Variants in ALOX12 observed in about 807,000 individuals in gnomAD.
The protein encoded by ALOX12 is arachidonate 12-lipoxygenase, 12S type.
In ALOX12, 62 loss-of-function variants were observed where a neutral mutation model predicts 85.5. The ratio of observed to expected loss-of-function variants is 0.73; its 90% confidence interval spans 0.59 to 0.90. The LOEUF is 0.90. ALOX12 is among the 40% of genes least tolerant of loss of function. ALOX12 has a pLI of 0.00. For missense variants in ALOX12, 751 were observed against 856.5 expected (o/e 0.88, Z 1.54); for synonymous variants, 299 against 332.7 (o/e 0.90, Z 1.10).
intron 6 of ALOX12, 71 bp downstream of exon 6, chr17:6,999,537 A>C: frequency 6.5e-7 from 1 of 1,537,952 alleles, no homozygotes; most frequent in Non-Finnish European, 8.9e-7. Flanking sequence ...GAGAGAATCC[A>C]AACTGAGTCA....
intron 2 of ALOX12, among the ~76,000 whole-genome samples, chr17:6,997,382 GGACCACATGGAACAGGAGGGGGTGGGT>G (rs1374165905): frequency 2.0e-5 from 3 of 151,914 alleles, no homozygotes; most frequent in African/African-American, 7.3e-5. Context: ...TCAGGTGAGG[GGACCACATGGAACAGGAGGGGGTGGGT>G]GACCCGTGAG....
chr17:7,000,184 G>T lies in ALOX12; in HGVS notation c.808-152G>T, dbSNP rs1351634872. The stretch of plus-strand genomic sequence containing the variant: ...CTGTTTCTTCACTTTAAGATGAGAG[G>T]AACTGGACCAGGGGCTCTAGTTCTC... On this transcript the variant is annotated intron_variant, in intron 6 of 13. Coordinates refer to ENST00000251535, the MANE Select transcript of ALOX12 (RefSeq NM_000697.3). The surrounding 1 kb of genome is among the most constrained non-coding windows in gnomAD (Gnocchi z 4.6). 1.1e-5 allele frequency: 9 copies of T among 851,980 alleles called. No individual in the cohort carries two copies. Among genetic ancestry groups the T allele is most frequent in the East Asian group, 9.9e-5 (4 of 40,390 alleles). 52.8% of individuals were successfully genotyped at this position (851,980 alleles called of 1,614,324 possible). A position where few individuals can be genotyped will look rare whatever the true frequency, so the allele number is the denominator to read the frequency against.
chr17:7,004,924 T>A (rs1400374802), intron 8 of ALOX12, among the ~76,000 whole-genome samples: 2 of 152,168 alleles, frequency 1.3e-5, no homozygotes, highest in Non-Finnish European at 2.9e-5. Context: ...CTCTCCAACA[T>A]CACTTAGGTG....
intron 11 of ALOX12, among the ~76,000 whole-genome samples, chr17:7,007,698 A>G (rs1909155757): frequency 6.6e-6 from 1 of 152,110 alleles, no homozygotes; most frequent in Non-Finnish European, 1.5e-5. Context: ...CCTGGCCAAC[A>G]TAGTGAAACC....
rs112892807 is a variant in ALOX12, at chr17:7,000,165, C to A, written c.808-171C>A. Among the ~76,000 whole-genome samples, 45 of 152,296 alleles carry A rather than the reference C, an allele frequency of 3.0e-4. No individual in the cohort carries two copies. Among genetic ancestry groups the A allele is most frequent in the African/African-American group, 1.1e-3 (45 of 41,558 alleles). On this transcript the variant is annotated intron_variant, in intron 6 of 13. Transcript: ENST00000251535. The surrounding 1 kb of genome is among the most constrained non-coding windows in gnomAD (Gnocchi z 4.6). ...GACATCTACCCTCACCAGACTGTTT[C>A]TTCACTTTAAGATGAGAGGAACTGG...
chr17:6,997,210 C>T (rs1346419515), intron 2 of ALOX12, 183 bp downstream of exon 2: 1 of 928,766 alleles, frequency 1.1e-6, no homozygotes, highest in Non-Finnish European at 1.3e-6. Context: ...CAAAGTTTTA[C>T]ACAGGCTAAG....
rs1054440827 is a variant in ALOX12, at chr17:6,996,159, C to T, written c.42C>T (p.Leu14=). ...YRIRVATGAW[L]FSGSYNRVQL... ...TCCGCGTGGCCACCGGGGCCTGGCTCTTCTCCGGGTCGTACAACCGCGTGC... is the reference window on the plus strand; with the variant it reads ...TCCGCGTGGCCACCGGGGCCTGGCTTTTCTCCGGGTCGTACAACCGCGTGC... The change falls in exon 1 of 14, where the codon CTC becomes CTT. Residue 14 remains leucine, a synonymous_variant. Transcript: ENST00000251535. The T allele has an allele frequency of 1.4e-5, 18 of 1,253,670 alleles. No homozygotes were observed. The highest frequency in any genetic ancestry group is 1.7e-5 in the Non-Finnish European group (17 of 992,266). The allele number at this position is 1,253,670 out of a possible 1,614,324, so 77.7% of individuals were successfully genotyped here.
At chr17:6,998,684 T>A in intron 3 of ALOX12, 31 bp from the exon 4 acceptor site, 17 of 1,254,314 alleles carry the variant, frequency 1.4e-5, no homozygotes, top group Non-Finnish European at 1.8e-5. Flanking sequence ...GACCATGACA[T>A]CCTTCCTGAA....
At chr17:7,007,375 A>G (rs1909140252) in intron 11 of ALOX12, among the ~76,000 whole-genome samples, 1 of 152,176 alleles carries the variant, frequency 6.6e-6, no homozygotes. Context: ...CTCACACTTC[A>G]GATCTAGGCT....
intron 1 of ALOX12, 57 bp downstream of exon 1, chr17:6,996,309 G>A: frequency 8.2e-7 from 1 of 1,218,494 alleles, no homozygotes; most frequent in Non-Finnish European, 1.0e-6. Context: ...CCAGGCCCGG[G>A]CCGAGCTGGG....
At chr17:7,002,595 C>G (rs1043973514) in intron 8 of ALOX12, 2 of 448,118 alleles carry the variant, frequency 4.5e-6, no homozygotes, top group Non-Finnish European at 9.1e-6. Context: ...CAAGACCAGC[C>G]TGGGCAACAC....
At chr17:7,009,889 C>A in intron 12 of ALOX12, 42 bp downstream of exon 12, 2 of 1,613,854 alleles carry the variant, frequency 1.2e-6, no homozygotes, top group Non-Finnish European at 1.7e-6. Context: ...GGCAAGGTGA[C>A]CTGAGGGAGA....
chr17:6,998,735 G>A lies in ALOX12; in HGVS notation c.440G>A (p.Gly147Glu), dbSNP rs151313411. 5 of 1,614,064 alleles carry A rather than the reference G, an allele frequency of 3.1e-6. No homozygotes were observed. Among genetic ancestry groups the A allele is most frequent in the Non-Finnish European group, 4.2e-6 (5 of 1,180,010 alleles). Residue 147 changes from glycine (G) to glutamate (E), a missense_variant, in exon 4 of 14, where the codon GGG becomes GAG. Transcript: ENST00000251535. ...QIYCWATWKEGLPLTIAADRK... is the reference protein window; with the variant it reads ...QIYCWATWKEELPLTIAADRK... ...CCTAGCTGGGCCACCTGGAAGGAAG[G>A]GTTACCCCTGACCATCGCTGCAGAC...
intron 5 of ALOX12, 26 bp from the exon 6 acceptor site, chr17:6,999,280 T>C: frequency 6.2e-7 from 1 of 1,614,024 alleles, no homozygotes; most frequent in East Asian, 2.2e-5. Context: ...GTGGTACATA[T>C]ATCCTCCTTT....
chr17:6,999,141 G>A, intron 5 of ALOX12, 85 bp downstream of exon 5: 1 of 1,498,674 alleles, frequency 6.7e-7, no homozygotes. Context: ...GTAACTCTTT[G>A]CAAGAAGAGA....
In ALOX12 at chr17:7,000,104, T is replaced by C. The variant is rs1172962105; in HGVS notation, c.808-232T>C. Among the ~76,000 whole-genome samples the C allele has an allele frequency of 6.6e-6, 1 of 152,042 alleles. No individual in the cohort carries two copies. The highest frequency in any genetic ancestry group is 2.1e-4 in the South Asian group (1 of 4,822). ...TGCCAACTGGATTGAGCAGGCCTGG[T>C]TCCAAACCCAGATCTGCCACCACAT... On this transcript the variant is annotated intron_variant, in intron 6 of 13. Coordinates refer to ENST00000251535, the MANE Select transcript of ALOX12 (RefSeq NM_000697.3). The surrounding 1 kb of genome is among the most constrained non-coding windows in gnomAD (Gnocchi z 4.6).
chr17:7,006,067 G>GGGGGT, intron 10 of ALOX12, 40 bp downstream of exon 10: 1 of 155,668 alleles, frequency 6.4e-6, no homozygotes, highest in Admixed American at 6.9e-5. Context: ...GGCCGGGGGG[G>GGGGGT]GGGGGGGCTC....
chr17:6,999,634 G>A (rs1908614656), intron 6 of ALOX12, 168 bp downstream of exon 6: 2 of 671,826 alleles, frequency 3.0e-6, no homozygotes, highest in Middle Eastern at 4.2e-4. Flanking sequence ...AAGAAACTAT[G>A]AGGAGCTCCC....
At position 6,999,928 on chromosome 17, in the gene ALOX12, T is replaced by A. The variant is rs997677001; in HGVS notation, c.808-408T>A. Among the ~76,000 whole-genome samples the A allele has an allele frequency of 2.0e-5, 3 of 152,274 alleles. No homozygotes were observed. The South Asian group carries it at 6.2e-4, about 32-fold the overall frequency. On this transcript the variant is annotated intron_variant, in intron 6 of 13. Transcript: ENST00000251535. ...GGCAGGGGTAGTAGGGGAAGCTCTCTGGAATATTTGGCAGAGGATGTGAGA... is the reference window on the plus strand; with the variant it reads ...GGCAGGGGTAGTAGGGGAAGCTCTCAGGAATATTTGGCAGAGGATGTGAGA...
Sources: gnomAD v4.1 joint callset for allele counts (sites outside exome capture counted in the v4.1 genomes callset) on GRCh38, gnomAD v4.1.1 for gene constraint, Gnocchi (gnomAD v3.1) non-coding constraint, MANE v1.5 for transcripts, NCBI Gene and HGNC (gene_info 2026-07-23, HGNC 2026-07-21) for gene names.